Variants in TBC1D1 observed in about 807,000 individuals in gnomAD.
TBC1D1 encodes TBC1 domain family member 1.
A neutral mutation model predicts 125.6 loss-of-function variants in TBC1D1; 89 were observed. That is an observed-to-expected ratio of 0.71 (90% CI 0.60 to 0.85). TBC1D1 has a LOEUF of 0.85. Ranked by LOEUF, TBC1D1 falls within the 40% of genes least tolerant of loss-of-function variation. The probability of loss-of-function intolerance (pLI) is 0.00; values close to 1 mark genes in which losing one functional copy is unlikely to be tolerated. For synonymous variants in TBC1D1, 565 were observed against 564.1 expected (o/e 1.00, Z -0.02); for missense variants, 1,377 against 1,469.2 (o/e 0.94, Z 1.03).
intron 15 of TBC1D1, among the ~76,000 whole-genome samples, chr4:38,105,819 T>G (rs948644493): frequency 1.3e-5 from 2 of 152,214 alleles, no homozygotes; most frequent in South Asian, 4.1e-4. Context: ...TATATCACAT[T>G]TTCTTTATCC....
At chr4:38,060,596 G>T (rs1297957050) in intron 12 of TBC1D1, 3 of 1,287,842 alleles carry the variant, frequency 2.3e-6, no homozygotes. Context: ...TTACGTCTGT[G>T]TGACAGCCTT....
chr4:38,112,875 A>T (rs1315448790), intron 15 of TBC1D1, among the ~76,000 whole-genome samples: 1 of 152,138 alleles, frequency 6.6e-6, no homozygotes. Context: ...TTAGATTGCC[A>T]CGGTGCCCTC....
At chr4:38,129,724 GAC>G (rs2152629202) in intron 18 of TBC1D1, among the ~76,000 whole-genome samples, 1 of 152,302 alleles carries the variant, frequency 6.6e-6, no homozygotes, top group Non-Finnish European at 1.5e-5. Context: ...AACATAAACA[GAC>G]AATTCACCGA....
At chr4:38,117,137 G>T (rs1053128091) in intron 16 of TBC1D1, among the ~76,000 whole-genome samples, 9 of 152,188 alleles carry the variant, frequency 5.9e-5, no homozygotes, top group African/African-American at 1.7e-4. Context: ...TGGTTGATTA[G>T]ACAGTCTTCG....
chr4:38,011,608 A>T (rs146826103), intron 2 of TBC1D1, among the ~76,000 whole-genome samples: 3 of 152,298 alleles, frequency 2.0e-5, no homozygotes, highest in African/African-American at 7.2e-5. Context: ...TATCTCCTTT[A>T]TATCTGTATT....
chr4:38,049,014 T>C (rs949017424), intron 10 of TBC1D1, among the ~76,000 whole-genome samples: 1 of 152,218 alleles, frequency 6.6e-6, no homozygotes, highest in Non-Finnish European at 1.5e-5. Context: ...TTCTTGAAAC[T>C]CAGATACATT....
In TBC1D1 at chr4:38,116,144, T is replaced by A. The variant is rs1762951951; in HGVS notation, c.2802+190T>A. ...CACTTCCCTCTAAGGAAGACACTGT[T>A]CATCGTCTCAATTTGTAGATTGGAA... On this transcript the variant is annotated intron_variant, in intron 16 of 19. Coordinates refer to ENST00000261439, the MANE Select transcript of TBC1D1 (RefSeq NM_015173.4). Among the ~76,000 whole-genome samples, 4 of 151,876 alleles carry A rather than the reference T, an allele frequency of 2.6e-5. No homozygotes were observed. In the South Asian group the frequency reaches 8.3e-4, roughly 32 times the overall value.
chr4:37,995,772 C>T lies in TBC1D1; in HGVS notation c.418-18737C>T. ...TGGTCTTAACTGCATTCACCCTCTCCAGCACCTTCTCCTGGATTGCTACCC... is the reference window on the plus strand; with the variant it reads ...TGGTCTTAACTGCATTCACCCTCTCTAGCACCTTCTCCTGGATTGCTACCC... On this transcript the variant is annotated intron_variant, in intron 2 of 19. Coordinates refer to ENST00000261439, the MANE Select transcript of TBC1D1 (RefSeq NM_015173.4). The surrounding 1 kb of genome is among the most constrained non-coding windows in gnomAD (Gnocchi z 4.3). 2 of 535,928 alleles carry T rather than the reference C, an allele frequency of 3.7e-6. No individual in the cohort carries two copies. Among genetic ancestry groups the T allele is most frequent in the Non-Finnish European group, 7.5e-6 (2 of 266,542 alleles). 33.2% of individuals were successfully genotyped at this position (535,928 alleles called of 1,614,324 possible).
At chr4:37,969,532 G>C (rs1731657320) in intron 2 of TBC1D1, among the ~76,000 whole-genome samples, 1 of 152,192 alleles carries the variant, frequency 6.6e-6, no homozygotes, top group South Asian at 2.1e-4. Context: ...TTTTGGTGGA[G>C]ATGGGGTTTC....
chr4:38,101,279 G>A (rs1270975460), intron 14 of TBC1D1, among the ~76,000 whole-genome samples: 5 of 152,096 alleles, frequency 3.3e-5, no homozygotes, highest in African/African-American at 1.2e-4. Flanking sequence ...TTTCCCGGAT[G>A]GAAAGAAAGA....
intron 2 of TBC1D1, among the ~76,000 whole-genome samples, chr4:37,927,314 G>A (rs975721480): frequency 5.9e-5 from 9 of 152,126 alleles, no homozygotes; most frequent in Non-Finnish European, 1.2e-4. Flanking sequence ...TACAAAAGGA[G>A]ATTTTACAAT....
chr4:38,088,811 A>T (rs1006925151), intron 12 of TBC1D1, among the ~76,000 whole-genome samples: 1 of 152,112 alleles, frequency 6.6e-6, no homozygotes, highest in African/African-American at 2.4e-5. Context: ...AAGATCACAA[A>T]ATCAATAATG....
intron 2 of TBC1D1, among the ~76,000 whole-genome samples, chr4:38,003,580 G>A (rs1370464699): frequency 1.3e-5 from 2 of 152,146 alleles, no homozygotes; most frequent in Non-Finnish European, 2.9e-5. Flanking sequence ...TTTTAATAAA[G>A]TTGGCAGTCA....
In TBC1D1 at chr4:38,007,605, A is replaced by G. The variant is rs1337305876; in HGVS notation, c.418-6904A>G. 2.0e-5 allele frequency among the ~76,000 whole-genome samples: 3 copies of G among 152,106 alleles called. No individual in the cohort carries two copies. In the East Asian group the frequency reaches 5.8e-4, roughly 29 times the overall value. On this transcript the variant is annotated intron_variant, in intron 2 of 19. Coordinates refer to ENST00000261439, the MANE Select transcript of TBC1D1 (RefSeq NM_015173.4). ...AATGCACCCTGTACTGAGATTTTGC[A>G]TTTCTCTATCCTCAACCTCCTTAGT...
intron 2 of TBC1D1, among the ~76,000 whole-genome samples, chr4:38,008,384 T>G (rs1192373100): frequency 3.9e-5 from 6 of 152,222 alleles, no homozygotes; most frequent in Non-Finnish European, 8.8e-5. Flanking sequence ...AAGGTTGTAG[T>G]GAATCTTTTA....
At chr4:37,936,433 T>A (rs1724409499) in intron 2 of TBC1D1, among the ~76,000 whole-genome samples, 1 of 152,220 alleles carries the variant, frequency 6.6e-6, no homozygotes, top group Admixed American at 6.5e-5. Context: ...TCTCTCTCTG[T>A]TGCTGCACTG....
intron 2 of TBC1D1, chr4:37,961,271 A>G (rs1166609827): frequency 1.7e-6 from 1 of 579,438 alleles, no homozygotes; most frequent in East Asian, 3.1e-5. Context: ...ATAGCAAAGG[A>G]TAAAGGAGAA....
chr4:37,964,088 G>A (rs1730597127), intron 2 of TBC1D1, among the ~76,000 whole-genome samples: 1 of 152,194 alleles, frequency 6.6e-6, no homozygotes, highest in South Asian at 2.1e-4. Context: ...CAGGTGGCTT[G>A]CTTACTATAG....
chr4:38,137,207 C>T lies in TBC1D1; in HGVS notation c.3379C>T (p.Gln1127Ter), dbSNP rs2152652420. 3.7e-6 allele frequency: 6 copies of T among 1,613,088 alleles called. No homozygotes were observed. The South Asian group carries it at 6.6e-5, about 18-fold the overall frequency. The stretch of plus-strand genomic sequence containing the variant: ...CCTGAGCAGTGAGAGCAAGCTGAAG[C>T]AGGCCATGCTTACCTTAGAACTGGA... Residue 1127 changes from glutamine to a stop codon, truncating the protein, a stop_gained, in exon 20 of 20, where the codon CAG becomes TAG. Coordinates refer to ENST00000261439, the MANE Select transcript of TBC1D1 (RefSeq NM_015173.4). LOFTEE classifies it low-confidence loss of function (END_TRUNC).
Sources: gnomAD v4.1 joint callset for allele counts (sites outside exome capture counted in the v4.1 genomes callset) on GRCh38, gnomAD v4.1.1 for gene constraint, Gnocchi (gnomAD v3.1) non-coding constraint, MANE v1.5 for transcripts, NCBI Gene and HGNC (gene_info 2026-07-23, HGNC 2026-07-21) for gene names.